Variants in ASPH observed in about 807,000 individuals in gnomAD.
The protein encoded by ASPH is aspartyl/asparaginyl beta-hydroxylase.
Under a neutral mutation model 118.4 loss-of-function variants are expected in ASPH, and 100 were observed. That is an observed-to-expected ratio of 0.84 (90% CI 0.72 to 1.00). ASPH has a LOEUF of 1.00. Ranked by LOEUF, ASPH falls within the 50% of genes least tolerant of loss-of-function variation. ASPH has a pLI of 0.00. For missense variants in ASPH, 920 were observed against 919.5 expected (o/e 1.00, Z -0.01); for synonymous variants, 315 against 325.6 (o/e 0.97, Z 0.35).
Position 61,627,801 on chromosome 8 carries a change from A to G in ASPH, c.934+5882T>C, listed in dbSNP as rs192494208. ...CCCATTCAGAAGTGGTTATGGTGCAAATCCCACATCTCCAAAACCAGGACC... is the reference window on the plus strand; with the variant it reads ...CCCATTCAGAAGTGGTTATGGTGCAGATCCCACATCTCCAAAACCAGGACC... On this transcript the variant is annotated intron_variant, in intron 13 of 24. Transcript: ENST00000379454. 4.6e-5 allele frequency among the ~76,000 whole-genome samples: 7 copies of G among 152,284 alleles called. No individual in the cohort carries two copies. In the East Asian group the frequency reaches 1.3e-3, roughly 29 times the overall value.
intron 3 of ASPH, among the ~76,000 whole-genome samples, chr8:61,666,679 T>C (rs1422125949): frequency 1.3e-5 from 2 of 152,264 alleles, no homozygotes; most frequent in South Asian, 2.1e-4. Context: ...AAACACCACA[T>C]AGGGTTTCTC....
At chr8:61,696,342 C>T (rs940500116) in intron 1 of ASPH, among the ~76,000 whole-genome samples, 1 of 152,146 alleles carries the variant, frequency 6.6e-6, no homozygotes, top group African/African-American at 2.4e-5. Flanking sequence ...TCAGCAATAC[C>T]CATTTATATC....
chr8:61,689,094 A>G lies in ASPH; in HGVS notation c.104-4906T>C, dbSNP rs536599651. Among the ~76,000 whole-genome samples, 4 of 152,346 alleles carry G rather than the reference A, an allele frequency of 2.6e-5. No homozygotes were observed. The East Asian group carries it at 7.7e-4, about 29-fold the overall frequency. On this transcript the variant is annotated intron_variant, in intron 1 of 24. Coordinates refer to ENST00000379454, the MANE Select transcript of ASPH (RefSeq NM_004318.4). ...AAAGACTATCTTAATTTACAAAGTA[A>G]AGCAAAAGCAAATATATACAAAACA...
chr8:61,525,946 G>C, intron 22 of ASPH, 31 bp downstream of exon 22: 1 of 1,612,494 alleles, frequency 6.2e-7, no homozygotes, highest in African/African-American at 1.3e-5. Context: ...GGTTTGGGCT[G>C]CAGAGAACCA....
At chr8:61,533,855 A>G (rs1818475819) in intron 21 of ASPH, among the ~76,000 whole-genome samples, 2 of 152,172 alleles carry the variant, frequency 1.3e-5, no homozygotes, top group South Asian at 2.1e-4. Context: ...AAAAAATACA[A>G]TTTGTGCCAT....
chr8:61,664,917 T>C (rs551122115), intron 3 of ASPH: 1 of 1,045,524 alleles, frequency 9.6e-7, no homozygotes, highest in East Asian at 7.8e-5. Flanking sequence ...AGAAATAACA[T>C]TTAAAATCTT....
At chr8:61,579,265 C>T in intron 15 of ASPH, 1 of 1,614,094 alleles carries the variant, frequency 6.2e-7, no homozygotes, top group Non-Finnish European at 8.5e-7. Context: ...ATTAAGGATG[C>T]CAACGCCAAG....
chr8:61,560,057 C>A (rs976277244), intron 18 of ASPH, among the ~76,000 whole-genome samples: 4 of 152,236 alleles, frequency 2.6e-5, no homozygotes, highest in African/African-American at 9.6e-5. Flanking sequence ...AAAATGAACA[C>A]AAATTCGTGA....
At chr8:61,643,922 C>A (rs772361533) in intron 8 of ASPH, 23 bp downstream of exon 8, 3 of 1,594,992 alleles carry the variant, frequency 1.9e-6, no homozygotes, top group South Asian at 2.2e-5. Flanking sequence ...AAACACATAT[C>A]AATAATTTTA....
chr8:61,502,833 G>T lies in ASPH; in HGVS notation c.*526C>A, dbSNP rs1433748242. On this transcript the variant is annotated 3_prime_UTR_variant, in exon 25 of 25. Coordinates refer to ENST00000379454, the MANE Select transcript of ASPH (RefSeq NM_004318.4). Reference sequence around the variant, plus strand: ...TTTCATGAGTATCTTTTACTAAGAAGAATTAAAAGAGGGAAGTCTGAGTTC... The same window carrying T: ...TTTCATGAGTATCTTTTACTAAGAATAATTAAAAGAGGGAAGTCTGAGTTC... 6.6e-6 allele frequency: 1 copy of T among 152,090 alleles called. No individual in the cohort carries two copies. Among genetic ancestry groups the T allele is most frequent in the African/African-American group, 2.4e-5 (1 of 41,424 alleles). 9.4% of individuals were successfully genotyped at this position (152,090 alleles called of 1,614,324 possible).
In ASPH at chr8:61,548,179, CTT is replaced by C; in HGVS notation, c.1654_1655del (p.Lys552GlufsTer48). The C allele has an allele frequency of 6.2e-7, 1 of 1,613,894 alleles. No individual in the cohort carries two copies. The highest frequency in any genetic ancestry group is 8.5e-7 in the Non-Finnish European group (1 of 1,179,866). On this transcript the variant is annotated frameshift_variant, in exon 21 of 25. Transcript: ENST00000379454. LOFTEE classifies it high-confidence loss of function. The stretch of plus-strand genomic sequence containing the variant: ...GCCAGACAGATGCAAAGTGTCCTCT[CTT>C]GTGCCCAAGCTCATACCACTTATAT... ...EAYKWYELGH[K>X]RGHFASVWQR...
chr8:61,625,606 AT>A, intron 13 of ASPH: 1 of 981,124 alleles, frequency 1.0e-6, no homozygotes, highest in South Asian at 4.7e-5. Flanking sequence ...ATTTAAAAAA[AT>A]AAATAAATGA....
intron 14 of ASPH, chr8:61,606,656 AGAG>A (rs1397963161): frequency 6.6e-6 from 1 of 152,220 alleles, no homozygotes; most frequent in Non-Finnish European, 1.5e-5. Context: ...AATGGGACAA[AGAG>A]GAGAAGGTAT....
chr8:61,523,605 C>T (rs1345011733), intron 22 of ASPH, among the ~76,000 whole-genome samples: 1 of 151,978 alleles, frequency 6.6e-6, no homozygotes, highest in Non-Finnish European at 1.5e-5. Context: ...TCATGAGCCA[C>T]CACACCGAGC....
chr8:61,704,897 C>G (rs1029769536), intron 1 of ASPH, among the ~76,000 whole-genome samples: 1 of 152,186 alleles, frequency 6.6e-6, no homozygotes, highest in Non-Finnish European at 1.5e-5. Flanking sequence ...TGTACAACTA[C>G]TCTGCAAAAG....
Position 61,675,906 on chromosome 8 carries a change from G to GC in ASPH, c.322+5061dup. Reference sequence around the variant, plus strand: ...AATAGAAGTTGGGGGAGCTGAGCGAGCAAGGGACTAGCTAGTAGCTGTACT... The same window carrying GC: ...AATAGAAGTTGGGGGAGCTGAGCGAGCCAAGGGACTAGCTAGTAGCTGTACT... On this transcript the variant is annotated intron_variant, in intron 3 of 24. Coordinates refer to ENST00000379454, the MANE Select transcript of ASPH (RefSeq NM_004318.4). 8 of 1,426,678 alleles carry GC rather than the reference G, an allele frequency of 5.6e-6. No individual in the cohort carries two copies. In the South Asian group the frequency reaches 1.3e-4, roughly 24 times the overall value. 88.4% of individuals were successfully genotyped at this position (1,426,678 alleles called of 1,614,324 possible).
At chr8:61,653,019 A>G (rs1162162662) in intron 4 of ASPH, among the ~76,000 whole-genome samples, 1 of 152,218 alleles carries the variant, frequency 6.6e-6, no homozygotes, top group Non-Finnish European at 1.5e-5. Flanking sequence ...CTAACTTATT[A>G]AAATATTTCA....
chr8:61,553,012 A>C lies in ASPH; in HGVS notation c.1626+19T>G. On this transcript the variant is annotated intron_variant, in intron 20 of 24. Transcript: ENST00000379454. The stretch of plus-strand genomic sequence containing the variant: ...TCCATCCTCTGTTAGAGAGAATCAG[A>C]AATTCATATACCCATTACCTCTTTG... The C allele has an allele frequency of 6.4e-7, 1 of 1,568,952 alleles. No individual in the cohort carries two copies. Among genetic ancestry groups the C allele is most frequent in the Non-Finnish European group, 8.8e-7 (1 of 1,141,304 alleles).
At chr8:61,513,660 G>C (rs1242087884) in intron 24 of ASPH, among the ~76,000 whole-genome samples, 1 of 152,114 alleles carries the variant, frequency 6.6e-6, no homozygotes, top group Non-Finnish European at 1.5e-5. Context: ...CTGTGGATTT[G>C]CAAAATACAT....
Sources: allele counts gnomAD v4.1 joint callset (sites outside exome capture counted in the v4.1 genomes callset), GRCh38; gene constraint gnomAD v4.1.1; transcripts MANE v1.5; gene names NCBI Gene and HGNC (gene_info 2026-07-23, HGNC 2026-07-21).